Variants in KAZN observed in about 807,000 individuals in gnomAD.
The protein encoded by KAZN is kazrin, periplakin interacting protein, also known as kazrin.
Under a neutral mutation model 87.4 loss-of-function variants are expected in KAZN, and 40 were observed. The observed-to-expected ratio is 0.46, with a 90% confidence interval of 0.36 to 0.60. The LOEUF (loss-of-function observed/expected upper bound fraction) is 0.60, where lower values mean the gene tolerates loss of function less well. Ranked by LOEUF, KAZN falls within the 20% of genes least tolerant of loss-of-function variation. KAZN has a pLI of 0.00. For missense variants in KAZN, 898 were observed against 1,073.9 expected (o/e 0.84, Z 2.29); for synonymous variants, 466 against 458.3 (o/e 1.02, Z -0.22).
At position 14,284,869 on chromosome 1, in the gene KAZN, A is replaced by G. The variant is rs115251744; in HGVS notation, c.249+104277A>G. Among the ~76,000 whole-genome samples, 778 of 152,340 alleles carry G rather than the reference A, an allele frequency of 5.1e-3. 6 individuals are homozygous for G. Among genetic ancestry groups the G allele is most frequent in the African/African-American group, 0.018 (734 of 41,578 alleles). On this transcript the variant is annotated intron_variant, in intron 2 of 16. Transcript: ENST00000636203. ...AGGCTATTGGGCAAGTTAGTACCAG[A>G]GATGGGTCTCTCTGTTTTACTCTTA...
At chr1:14,462,520 G>C (rs1338610797) in intron 2 of KAZN, among the ~76,000 whole-genome samples, 1 of 152,080 alleles carries the variant, frequency 6.6e-6, no homozygotes. Context: ...CTTTTGCTTG[G>C]GGGGCTTAGC....
At chr1:14,808,850 A>C (rs1295013844) in intron 1 of KAZN, among the ~76,000 whole-genome samples, 1 of 152,146 alleles carries the variant, frequency 6.6e-6, no homozygotes, top group Non-Finnish European at 1.5e-5. Context: ...TCAAGGACTG[A>C]CATTCATTCT....
chr1:14,902,227 A>ATT (rs550847895), intron 1 of KAZN, among the ~76,000 whole-genome samples: 35 of 144,870 alleles, frequency 2.4e-4, no homozygotes, highest in Non-Finnish European at 3.5e-4. Flanking sequence ...GAGAACTGCA[A>ATT]TTTTTTTTTT....
chr1:13,987,347 G>T (rs1639069670), intron 1 of KAZN, among the ~76,000 whole-genome samples: 1 of 152,046 alleles, frequency 6.6e-6, no homozygotes, highest in Non-Finnish European at 1.5e-5. Flanking sequence ...ACAGAACCCA[G>T]TGTGTGATGT....
intron 1 of KAZN, among the ~76,000 whole-genome samples, chr1:14,119,414 G>A (rs1309074783): frequency 6.6e-6 from 1 of 152,200 alleles, no homozygotes; most frequent in Non-Finnish European, 1.5e-5. Context: ...GGGGCAGCAA[G>A]GGTTTGCAGC....
intron 1 of KAZN, among the ~76,000 whole-genome samples, chr1:13,945,584 A>C (rs1641110178): frequency 6.6e-6 from 1 of 151,996 alleles, no homozygotes; most frequent in Non-Finnish European, 1.5e-5. Context: ...TATAGCAATG[A>C]ATGGTAAAAC....
At chr1:14,236,969 A>G (rs1648485855) in intron 2 of KAZN, among the ~76,000 whole-genome samples, 1 of 152,228 alleles carries the variant, frequency 6.6e-6, no homozygotes, top group Non-Finnish European at 1.5e-5. Flanking sequence ...AAATAACATT[A>G]AAGAAACAAA....
chr1:14,903,959 C>T (rs1656210755), intron 1 of KAZN, among the ~76,000 whole-genome samples: 1 of 152,196 alleles, frequency 6.6e-6, no homozygotes, highest in African/African-American at 2.4e-5. Flanking sequence ...ACAGCGAGGG[C>T]AGCATTCTGT....
At chr1:14,416,271 C>T (rs1024698071) in intron 2 of KAZN, among the ~76,000 whole-genome samples, 2 of 152,148 alleles carry the variant, frequency 1.3e-5, no homozygotes, top group Admixed American at 1.3e-4. Context: ...CATTCACATT[C>T]TAGACATGTC....
At chr1:14,637,831 A>C (rs1402314678) in intron 1 of KAZN, among the ~76,000 whole-genome samples, 2 of 152,182 alleles carry the variant, frequency 1.3e-5, no homozygotes, top group Non-Finnish European at 2.9e-5. Context: ...ACTGTGACAA[A>C]GTGCTACAAA....
At chr1:14,439,960 C>T (rs797000020) in intron 2 of KAZN, among the ~76,000 whole-genome samples, 2 of 152,148 alleles carry the variant, frequency 1.3e-5, no homozygotes, top group Admixed American at 6.5e-5. Context: ...ATCCCAACCA[C>T]GTCCCACCCC....
rs1054825693 is a variant in KAZN, at chr1:14,544,593, C to G, written c.250-54390C>G. Among the ~76,000 whole-genome samples the G allele has an allele frequency of 2.0e-5, 3 of 151,924 alleles. No homozygotes were observed. In the South Asian group the frequency reaches 6.2e-4, roughly 32 times the overall value. ...CAGTTAAAGGAGGCCCTATTTTAAA[C>G]AACTTTTCTTTGTGCCAGAGGTGGT... On this transcript the variant is annotated intron_variant, in intron 2 of 16. Coordinates refer to the KAZN transcript ENST00000636203.
At chr1:14,246,316 TAC>T (rs201646367) in intron 2 of KAZN, among the ~76,000 whole-genome samples, 3,658 of 147,802 alleles carry the variant, frequency 0.025, 135 homozygotes, top group African/African-American at 0.085. Flanking sequence ...CCTGAGCATG[TAC>T]CCCAGAACTT....
intron 1 of KAZN, among the ~76,000 whole-genome samples, chr1:14,123,266 T>C (rs1052937000): frequency 2.0e-5 from 3 of 152,190 alleles, no homozygotes; most frequent in African/African-American, 7.2e-5. Context: ...ATGACTTTTT[T>C]TTTAAGCTGC....
intron 2 of KAZN, among the ~76,000 whole-genome samples, chr1:14,311,984 C>A (rs549507211): frequency 2.6e-5 from 4 of 152,136 alleles, no homozygotes; most frequent in Admixed American, 6.5e-5. Flanking sequence ...AGAATTCTTA[C>A]TGGATATGGA....
At chr1:14,831,863 C>T (rs752290799) in intron 1 of KAZN, among the ~76,000 whole-genome samples, 19 of 151,974 alleles carry the variant, frequency 1.3e-4, no homozygotes, top group African/African-American at 9.7e-5. Context: ...CTCTGGGTTG[C>T]GAGTGACAGA....
intron 1 of KAZN, among the ~76,000 whole-genome samples, chr1:14,835,895 C>T (rs1326518103): frequency 6.8e-6 from 1 of 147,024 alleles, no homozygotes; most frequent in Non-Finnish European, 1.5e-5. Context: ...CTCCAATTTT[C>T]CCTGCTGACT....
At chr1:14,337,125 C>T (rs1450363604) in intron 2 of KAZN, among the ~76,000 whole-genome samples, 3 of 152,196 alleles carry the variant, frequency 2.0e-5, no homozygotes, top group Non-Finnish European at 2.9e-5. Flanking sequence ...AATGAGATGA[C>T]GCATATGAAG....
chr1:14,367,987 A>G lies in KAZN; in HGVS notation c.249+187395A>G, dbSNP rs1357142446. Among the ~76,000 whole-genome samples, 3 of 152,342 alleles carry G rather than the reference A, an allele frequency of 2.0e-5. No homozygotes were observed. In the East Asian group the frequency reaches 5.8e-4, roughly 29 times the overall value. On this transcript the variant is annotated intron_variant, in intron 2 of 16. Transcript: ENST00000636203. ...CCTGAAAGGAGAAAGTGGGATAGCG[A>G]GAGCTTGAAATCTAAGTTCACATCT... is the stretch of plus-strand genomic sequence containing the variant.
Sources: allele counts gnomAD v4.1 joint callset (sites outside exome capture counted in the v4.1 genomes callset), GRCh38; gene constraint gnomAD v4.1.1; transcripts MANE v1.5; gene names NCBI Gene and HGNC (gene_info 2026-07-23, HGNC 2026-07-21).